TP53BP1: variants seen among roughly 807,000 people sequenced by gnomAD.
The protein encoded by TP53BP1 is TP53-binding protein 1.
TP53BP1 carries 61 observed loss-of-function variants against 200.8 expected under a neutral mutation model. The observed-to-expected ratio is 0.30, with a 90% CI of 0.25 to 0.38. The LOEUF is 0.38. Among genes scored for constraint, TP53BP1 ranks in the 10% least tolerant of loss-of-function variants. TP53BP1 has a pLI of 1.00. For missense variants in TP53BP1, 2,144 were observed against 2,371.9 expected, an observed-to-expected ratio of 0.90 and a Z score of 2.00; for synonymous variants, 822 against 844.3, an observed-to-expected ratio of 0.97 and a Z score of 0.46.
In TP53BP1 at chr15:43,451,334, G is replaced by A. The variant is rs545021435; in HGVS notation, c.2717-3849C>T. Among the ~76,000 whole-genome samples, 813 of 112,808 alleles carry A rather than the reference G, an allele frequency of 7.2e-3. 3 individuals carry two copies. Among genetic ancestry groups the A allele is most frequent in the Non-Finnish European group, 0.011 (595 of 55,826 alleles). The allele number at this position is 112,808 out of a possible 152,430, so 74.0% of individuals were successfully genotyped here. On this transcript the variant is annotated intron_variant, in intron 12 of 27. Coordinates refer to ENST00000382044, the MANE Select transcript of TP53BP1 (RefSeq NM_001141980.3). ...TATCTCTCAATGTTATCCCTCCCCC[G>A]TCCCCCCACCCCACAACAGTCCCCA...
chr15:43,448,828 A>C (rs2046101391), intron 12 of TP53BP1, among the ~76,000 whole-genome samples: 1 of 152,222 alleles, frequency 6.6e-6, no homozygotes, highest in South Asian at 2.1e-4. Flanking sequence ...TGCTCAGCTA[A>C]AGAAACTGTA....
intron 4 of TP53BP1, among the ~76,000 whole-genome samples, chr15:43,491,032 G>A (rs1385837560): frequency 6.6e-6 from 1 of 151,684 alleles, no homozygotes; most frequent in East Asian, 1.9e-4. Context: ...TACTTCAGTT[G>A]ATAGATGGAA....
chr15:43,408,512 T>C (rs1407341971), intron 26 of TP53BP1: 2 of 267,754 alleles, frequency 7.5e-6, no homozygotes, highest in Non-Finnish European at 1.4e-5. Flanking sequence ...GGGTCCCCCT[T>C]CTCTTCCTTC....
chr15:43,424,261 A>G (rs534675126), intron 18 of TP53BP1, among the ~76,000 whole-genome samples: 1 of 151,494 alleles, frequency 6.6e-6, no homozygotes, highest in African/African-American at 2.4e-5. Context: ...CTATTTCCCC[A>G]CCTCCTCTCC....
upstream of TP53BP1, among the ~76,000 whole-genome samples, chr15:43,494,869 T>C (rs1463640141): frequency 6.6e-6 from 1 of 152,170 alleles, no homozygotes; most frequent in Non-Finnish European, 1.5e-5. Flanking sequence ...ACAGATCTGT[T>C]TGATTACTTG....
Position 43,456,773 on chromosome 15 carries a change from C to T in TP53BP1, c.1835G>A (p.Arg612Lys). 6.2e-7 allele frequency: 1 copy of T among 1,614,084 alleles called. No homozygotes were observed. Among genetic ancestry groups the T allele is most frequent in the Non-Finnish European group, 8.5e-7 (1 of 1,180,052 alleles). ...AACATCTTCTGCTACCGTTTCTTCT[C>T]TGCCCTTGCAACCAGTGGCTAAAAT... Reference protein sequence around the residue: ...ISILATGCKGREETVAEDVCI... With the variant: ...ISILATGCKGKEETVAEDVCI... Residue 612 changes from arginine to lysine, a missense_variant, in exon 12 of 28, where the codon AGA becomes AAA. Around this residue, in one of 4 missense-constraint regions of TP53BP1, gnomAD observed 1,700 missense variants for 1,710.3 expected, o/e 0.99. Coordinates refer to ENST00000382044, the MANE Select transcript of TP53BP1 (RefSeq NM_001141980.3).
In TP53BP1 at chr15:43,405,207, G is replaced by C. The variant is rs759268445; in HGVS notation, c.*2176C>G. On this transcript the variant is annotated 3_prime_UTR_variant, in exon 28 of 28. Coordinates refer to ENST00000382044, the MANE Select transcript of TP53BP1 (RefSeq NM_001141980.3). ...GCTCTTTTTCTCTTTTGTAGTTTCG[G>C]GATGTGAAAATTTCTGGCTCATAAA... The C allele has an allele frequency of 3.7e-6, 6 of 1,613,960 alleles. No individual in the cohort carries two copies. The Admixed American group carries it at 6.7e-5, about 18-fold the overall frequency.
intron 24 of TP53BP1, among the ~76,000 whole-genome samples, chr15:43,412,159 CT>C (rs981119338): frequency 2.6e-5 from 4 of 152,344 alleles, no homozygotes; most frequent in South Asian, 2.1e-4. Context: ...AAGCCTGCCC[CT>C]GATCATCCCT....
Position 43,405,030 on chromosome 15 carries a change from TA to T in TP53BP1, c.*2352del. The T allele has an allele frequency of 1.4e-6, 1 of 693,428 alleles. No individual in the cohort carries two copies. Among genetic ancestry groups the T allele is most frequent in the Admixed American group, 3.0e-5 (1 of 33,378 alleles). 43.0% of individuals were successfully genotyped at this position (693,428 alleles called of 1,614,324 possible). ...AAATCACTTCATTGTCCTTTCTCTC[TA>T]AAATGTCTGCAAGCAGATTTTTTTC... On this transcript the variant is annotated 3_prime_UTR_variant, in exon 28 of 28. Coordinates refer to ENST00000382044, the MANE Select transcript of TP53BP1 (RefSeq NM_001141980.3).
rs1009431886 is a variant in TP53BP1 at position 43,457,108 on chromosome 15, A to G, written c.1500T>C (p.Ile500=). 12 of 1,614,050 alleles carry G rather than the reference A, an allele frequency of 7.4e-6. No individual in the cohort carries two copies. The African/African-American group carries it at 1.5e-4, about 20-fold the overall frequency. Residue 500 remains isoleucine (I), a synonymous_variant, in exon 12 of 28, where the codon ATT becomes ATC. Coordinates refer to ENST00000382044, the MANE Select transcript of TP53BP1 (RefSeq NM_001141980.3). ...GATCCTCAGGGGAATTCTTTGGTTCAATCTCTGAAGTTTTAGAACACTCAA... is the reference window on the plus strand; with the variant it reads ...GATCCTCAGGGGAATTCTTTGGTTCGATCTCTGAAGTTTTAGAACACTCAA... The part of the protein sequence containing the change: ...LTVECSKTSE[I]EPKNSPEDLG...
Position 43,469,975 on chromosome 15 carries a change from G to A in TP53BP1, c.1272C>T (p.Asn424=). The change falls in exon 11 of 28, where the codon AAC becomes AAT. Residue 424 remains asparagine (N), a synonymous_variant. Transcript: ENST00000382044. The stretch of plus-strand genomic sequence containing the variant: ...CAGTGGACTCAGGCAGGAGAGGGGG[G>A]TTTTCTAACTCCACTGGTTCACCAC... The part of the protein sequence containing the change: ...LQSGEPVELE[N]PPLLPESTVS... The A allele has an allele frequency of 6.2e-7, 1 of 1,613,942 alleles. No individual in the cohort carries two copies. Among genetic ancestry groups the A allele is most frequent in the African/African-American group, 1.3e-5 (1 of 75,024 alleles).
Position 43,477,670 on chromosome 15 carries a change from C to T in TP53BP1, c.878G>A (p.Gly293Glu), listed in dbSNP as rs1411391603. ...CTCTGGTGACTTCTGAATCTGCAGT[C>T]CACTTTCCATAAGTTCTTGTGCAGA... ...QLSAQELMES[G>E]LQIQKSPEPE... is the part of the protein sequence containing the mutation. The change falls in exon 8 of 28, where the codon GGA becomes GAA. Residue 293 changes from glycine to glutamate, a missense_variant. Physicochemically the swap from Gly to Glu is moderately conservative, Grantham distance 98. Transcript: ENST00000382044. 6.2e-7 allele frequency: 1 copy of T among 1,613,796 alleles called. No homozygotes were observed. The highest frequency in any genetic ancestry group is 1.3e-5 in the African/African-American group (1 of 74,920).
intron 14 of TP53BP1, among the ~76,000 whole-genome samples, chr15:43,444,648 C>CT (rs1377775750): frequency 6.6e-6 from 1 of 152,138 alleles, no homozygotes; most frequent in African/African-American, 2.4e-5. Flanking sequence ...ATAATAGGAT[C>CT]TAGTTCATCG....
chr15:43,460,766 T>A (rs182852275), intron 11 of TP53BP1, among the ~76,000 whole-genome samples: 5 of 151,838 alleles, frequency 3.3e-5, no homozygotes, highest in African/African-American at 9.7e-5. Context: ...CTCTAACTTA[T>A]AATCCCAACA....
upstream of TP53BP1, among the ~76,000 whole-genome samples, chr15:43,496,699 C>T (rs374684984): frequency 5.3e-5 from 8 of 150,594 alleles, no homozygotes; most frequent in South Asian, 6.3e-4. Context: ...TCTCCGCTTA[C>T]GGCAACCCCT....
chr15:43,503,836 A>C (rs74950558), intron 1 of TP53BP1, among the ~76,000 whole-genome samples: 1,585 of 152,122 alleles, frequency 0.01, 29 homozygotes, highest in East Asian at 0.093. Flanking sequence ...GATTCAACCA[A>C]CCATGAATTG....
chr15:43,483,028 C>T (rs2140132936), intron 4 of TP53BP1, among the ~76,000 whole-genome samples: 1 of 152,116 alleles, frequency 6.6e-6, no homozygotes, highest in East Asian at 1.9e-4. Flanking sequence ...AGACAAAAGA[C>T]ATCTTTGAGA....
chr15:43,507,007 CAAG>C (rs1330885752), intron 1 of TP53BP1, among the ~76,000 whole-genome samples: 1 of 152,218 alleles, frequency 6.6e-6, no homozygotes, highest in Non-Finnish European at 1.5e-5. Flanking sequence ...TACTTAAACC[CAAG>C]AAGATTTGTG....
intron 12 of TP53BP1, among the ~76,000 whole-genome samples, chr15:43,451,638 T>C (rs1268161715): frequency 6.6e-6 from 1 of 152,232 alleles, no homozygotes; most frequent in Non-Finnish European, 1.5e-5. Context: ...AGTGCCGCAA[T>C]AAACATACGT....
Sources: gnomAD v4.1 joint callset for allele counts (sites outside exome capture counted in the v4.1 genomes callset) on GRCh38, gnomAD v4.1.1 for gene constraint, gnomAD v4.1.1 regional missense constraint, MANE v1.5 for transcripts, NCBI Gene and HGNC (gene_info 2026-07-23, HGNC 2026-07-21) for gene names.